Variants in SLCO3A1 observed in about 807,000 individuals in gnomAD.
SLCO3A1 encodes the protein solute carrier organic anion transporter family member 3A1, also known as PGE1 transporter.
In SLCO3A1, 27 loss-of-function variants were observed where a neutral mutation model predicts 63.1. The observed-to-expected ratio is 0.43, with a 90% confidence interval of 0.32 to 0.59. The LOEUF (loss-of-function observed/expected upper bound fraction) is 0.59. Among genes scored for constraint, SLCO3A1 ranks in the 20% least tolerant of loss-of-function variants. SLCO3A1 has a pLI of 0.09. For missense variants in SLCO3A1, 773 were observed against 945.8 expected (o/e 0.82, Z 2.40); for synonymous variants, 473 against 409.9 (o/e 1.15, Z -1.86).
chr15:91,916,222 C>A lies in SLCO3A1; in HGVS notation c.410C>A (p.Ala137Glu). 6 of 1,577,266 alleles carry A rather than the reference C, an allele frequency of 3.8e-6. No individual in the cohort carries two copies. The highest frequency in any genetic ancestry group is 1.1e-5 in the South Asian group (1 of 88,538). Residue 137 changes from alanine to glutamate, a missense_variant, in exon 2 of 10, where the codon GCG becomes GAG. This residue lies in a region of SLCO3A1 where 565 missense variants were observed against 749.8 expected (regional missense o/e 0.75). Transcript: ENST00000318445. This position sits in a 1 kb window ranked among gnomAD's most constrained non-coding sequence, Gnocchi z 6.2. Reference protein sequence around the residue: ...EFLTHQYKYEAGEIRWGAEGR... With the variant: ...EFLTHQYKYEEGEIRWGAEGR... ...CTGACCCACCAGTACAAGTACGAGG[C>A]GGGCGAGATCCGCTGGGGCGCCGAG...
chr15:91,946,987 C>T (rs6496880), intron 2 of SLCO3A1, among the ~76,000 whole-genome samples: 115,778 of 152,146 alleles, frequency 0.76, 44,392 homozygotes, highest in East Asian at 0.98. Context: ...GTCAATGGTG[C>T]TCACGGAGGA....
chr15:92,103,900 A>G (rs6496891), intron 3 of SLCO3A1, among the ~76,000 whole-genome samples: 3,684 of 152,196 alleles, frequency 0.024, 156 homozygotes, highest in African/African-American at 0.084. Flanking sequence ...GGAAGCCAAG[A>G]GTGAATATAC....
intron 1 of SLCO3A1, among the ~76,000 whole-genome samples, chr15:91,867,364 G>A (rs536474223): frequency 4.6e-5 from 7 of 152,244 alleles, no homozygotes; most frequent in Non-Finnish European, 1.0e-4. Flanking sequence ...CACCAGTATG[G>A]GTGCCACATG....
chr15:92,145,927 A>C, intron 7 of SLCO3A1, among the ~76,000 whole-genome samples: 1 of 150,708 alleles, frequency 6.6e-6, no homozygotes. Flanking sequence ...ACACCCCTGA[A>C]ACCATCCCAT....
intron 2 of SLCO3A1, among the ~76,000 whole-genome samples, chr15:91,988,070 G>A (rs1223604333): frequency 2.0e-5 from 3 of 152,126 alleles, no homozygotes; most frequent in African/African-American, 7.2e-5. Context: ...ACAGATGCAG[G>A]CTTTTCTAGG....
Position 92,018,910 on chromosome 15 carries a change from T to C in SLCO3A1, c.647-75971T>C, listed in dbSNP as rs149946842. 2.0e-5 allele frequency among the ~76,000 whole-genome samples: 3 copies of C among 152,290 alleles called. No individual in the cohort carries two copies. The East Asian group carries it at 5.8e-4, about 29-fold the overall frequency. On this transcript the variant is annotated intron_variant, in intron 2 of 9. Coordinates refer to ENST00000318445, the MANE Select transcript of SLCO3A1 (RefSeq NM_013272.4). ...ACTGCAGCATCTGATGCCGCTACCA[T>C]CACTCCCCTGGTGCTGGGCCTGGGA...
intron 1 of SLCO3A1, among the ~76,000 whole-genome samples, chr15:91,898,894 C>T (rs1898078316): frequency 6.6e-6 from 1 of 152,086 alleles, no homozygotes; most frequent in African/African-American, 2.4e-5. Flanking sequence ...TAAAAAACTG[C>T]TGCGAATTTT....
chr15:92,107,923 G>C (rs749193384), intron 4 of SLCO3A1, among the ~76,000 whole-genome samples: 1 of 152,226 alleles, frequency 6.6e-6, no homozygotes, highest in Admixed American at 6.5e-5. Flanking sequence ...GTCTGGTTTA[G>C]TCTTTACAAA....
In SLCO3A1 at chr15:92,132,932, T is replaced by C. The variant is rs1271928341; in HGVS notation, c.1512+4443T>C. Among the ~76,000 whole-genome samples the C allele has an allele frequency of 5.5e-5, 8 of 145,984 alleles. 3 individuals are homozygous for C. The highest frequency in any genetic ancestry group is 1.2e-4 in the Non-Finnish European group (8 of 65,208). ...ACTCTCAGAGATTCTGATTCCCTTA[T>C]TTTGGAGTAAGATCCATGCATCAGT... On this transcript the variant is annotated intron_variant, in intron 7 of 9. Coordinates refer to ENST00000318445, the MANE Select transcript of SLCO3A1 (RefSeq NM_013272.4).
At chr15:91,892,509 C>T (rs1897896138) in intron 1 of SLCO3A1, among the ~76,000 whole-genome samples, 1 of 152,086 alleles carries the variant, frequency 6.6e-6, no homozygotes, top group Admixed American at 6.5e-5. Context: ...AATTTCCCAG[C>T]CTGGATAGTA....
At chr15:92,101,020 A>G (rs898425960) in intron 3 of SLCO3A1, among the ~76,000 whole-genome samples, 1 of 152,194 alleles carries the variant, frequency 6.6e-6, no homozygotes, top group African/African-American at 2.4e-5. Flanking sequence ...AGGAGGTGTC[A>G]TCCTCCTTGT....
At chr15:92,115,815 C>CAAAAAAAA (rs765666191) in intron 4 of SLCO3A1, among the ~76,000 whole-genome samples, 1 of 86,718 alleles carries the variant, frequency 1.2e-5, no homozygotes, top group Non-Finnish European at 2.1e-5. Flanking sequence ...TCTCTTCCCT[C>CAAAAAAAA]AAAAAAAAAA....
chr15:91,919,737 C>T (rs56388730), intron 2 of SLCO3A1, among the ~76,000 whole-genome samples: 12,998 of 151,840 alleles, frequency 0.086, 634 homozygotes, highest in Non-Finnish European at 0.1. Flanking sequence ...GCTTACTGTG[C>T]CCTTTCATTA....
chr15:92,141,719 C>A (rs1043218574), intron 7 of SLCO3A1, among the ~76,000 whole-genome samples: 2 of 152,214 alleles, frequency 1.3e-5, no homozygotes, highest in African/African-American at 4.8e-5. Flanking sequence ...AAGTCCTCAT[C>A]TGCAGTTCTT....
At chr15:92,066,727 A>G (rs1439825273) in intron 2 of SLCO3A1, among the ~76,000 whole-genome samples, 2 of 152,208 alleles carry the variant, frequency 1.3e-5, no homozygotes, top group Non-Finnish European at 2.9e-5. Context: ...GACTGTGCTC[A>G]GCCAGGGCCC....
intron 2 of SLCO3A1, among the ~76,000 whole-genome samples, chr15:91,953,135 C>T (rs939782762): frequency 6.6e-6 from 1 of 152,208 alleles, no homozygotes; most frequent in African/African-American, 2.4e-5. Flanking sequence ...ATCCTGGAAA[C>T]AAGGCCCAGG....
intron 2 of SLCO3A1, among the ~76,000 whole-genome samples, chr15:91,963,884 C>T (rs1223895374): frequency 1.3e-5 from 2 of 152,088 alleles, no homozygotes; most frequent in South Asian, 2.1e-4. Context: ...AAGCAGGTTG[C>T]CGCTGCTATT....
chr15:91,990,064 T>A (rs1179847567), intron 2 of SLCO3A1, among the ~76,000 whole-genome samples: 1 of 152,222 alleles, frequency 6.6e-6, no homozygotes, highest in African/African-American at 2.4e-5. Flanking sequence ...ACTTCTATCC[T>A]TCGCATACCA....
intron 9 of SLCO3A1, among the ~76,000 whole-genome samples, chr15:92,151,448 T>C (rs1466077205): frequency 6.6e-6 from 1 of 152,300 alleles, no homozygotes; most frequent in South Asian, 2.1e-4. Context: ...CAAACTGACT[T>C]AGTTTGTTTA....
Sources: gnomAD v4.1 joint callset for allele counts (sites outside exome capture counted in the v4.1 genomes callset) on GRCh38, gnomAD v4.1.1 for gene constraint, gnomAD v4.1.1 regional missense constraint, Gnocchi (gnomAD v3.1) non-coding constraint, MANE v1.5 for transcripts, NCBI Gene and HGNC (gene_info 2026-07-23, HGNC 2026-07-21) for gene names.